The following SPTBN1 variants were observed in gnomAD, a reference collection of about 807,000 sequenced individuals.
SPTBN1 encodes the protein spectrin beta, non-erythrocytic 1.
In SPTBN1, 32 loss-of-function variants were observed where a neutral mutation model predicts 266.4. That is an observed-to-expected ratio of 0.12 (90% CI 0.09 to 0.16). The LOEUF is 0.16. Ranked by LOEUF, SPTBN1 falls within the 10% of genes least tolerant of loss-of-function variation. SPTBN1 has a pLI of 1.00. For synonymous variants in SPTBN1, 1,336 were observed against 1,162.2 expected, an observed-to-expected ratio of 1.15 and a Z score of -3.04; for missense variants, 2,296 against 3,067.1, an observed-to-expected ratio of 0.75 and a Z score of 5.94.
At chr2:54,594,540 T>C (rs953695548) in intron 2 of SPTBN1, among the ~76,000 whole-genome samples, 62 of 152,284 alleles carry the variant, frequency 4.1e-4, no homozygotes, top group Admixed American at 3.4e-3. Context: ...CTGGAACAAA[T>C]TCCCCGTAGA....
rs528630235 is a variant in SPTBN1, at chr2:54,644,234, A to AGATC, written c.4006-88_4006-85dup. On this transcript the variant is annotated intron_variant, in intron 19 of 35. Transcript: ENST00000356805. The stretch of plus-strand genomic sequence containing the variant: ...TGTATTGAGTGAATGGTTAAATCAC[A>AGATC]GATCAAATGTCCTAGGTTTGTTTTT... 1.8e-4 allele frequency: 269 copies of AGATC among 1,496,418 alleles called. No homozygotes were observed. The Admixed American group carries it at 2.8e-3, about 16-fold the overall frequency. 92.7% of individuals were successfully genotyped at this position (1,496,418 alleles called of 1,614,324 possible). A position where few individuals can be genotyped will look rare whatever the true frequency, so the allele number is the denominator to read the frequency against.
chr2:54,557,439 T>C (rs1002892786), intron 2 of SPTBN1, among the ~76,000 whole-genome samples: 1 of 152,110 alleles, frequency 6.6e-6, no homozygotes, highest in East Asian at 1.9e-4. Flanking sequence ...CTAGAGTCAA[T>C]TTCCCAAGAA....
At position 54,533,376 on chromosome 2, in the gene SPTBN1, G is replaced by GTT. The variant is rs1457787668; in HGVS notation, c.148+6811_148+6812insTT. ...TGTGTGTGTGTGTGTGTGTGTGTGTGTGTGTGTGTGTGTGTGTGTCTAAAC... is the reference window on the plus strand; with the variant it reads ...TGTGTGTGTGTGTGTGTGTGTGTGTGTTTGTGTGTGTGTGTGTGTGTCTAAAC... On this transcript the variant is annotated intron_variant, in intron 2 of 35. Transcript: ENST00000356805. The surrounding 1 kb of genome is among the most constrained non-coding windows in gnomAD (Gnocchi z 4.2). Among the ~76,000 whole-genome samples the GTT allele has an allele frequency of 6.6e-5, 10 of 151,542 alleles. No homozygotes were observed. The highest frequency in any genetic ancestry group is 1.3e-4 in the Admixed American group (2 of 15,200).
intron 1 of SPTBN1, among the ~76,000 whole-genome samples, chr2:54,478,489 G>A (rs535777750): frequency 2.0e-5 from 3 of 152,306 alleles, no homozygotes; most frequent in Admixed American, 1.3e-4. Context: ...AGAATTGGAA[G>A]TTTTGGGTCT....
At chr2:54,614,050 G>T (rs530418964) in intron 4 of SPTBN1, among the ~76,000 whole-genome samples, 20 of 152,254 alleles carry the variant, frequency 1.3e-4, no homozygotes, top group African/African-American at 4.8e-4. Context: ...CTGCCAGTTT[G>T]CATATTCCTA....
In SPTBN1 at chr2:54,629,592, G is replaced by C. The variant is rs199983189; in HGVS notation, c.2458G>C (p.Val820Leu). 3 of 1,614,070 alleles carry C rather than the reference G, an allele frequency of 1.9e-6. No individual in the cohort carries two copies. The highest frequency in any genetic ancestry group is 2.5e-6 in the Non-Finnish European group (3 of 1,180,036). ...CCAGGAGCATGCCGAGTCTCCAGAC[G>C]TGAGGGGCAGGCTGTCGGGCATCGA... is the stretch of plus-strand genomic sequence containing the variant. ...LPQEHAESPD[V>L]RGRLSGIEER... Residue 820 changes from valine (V) to leucine (L), a missense_variant, in exon 14 of 36, where the codon GTG (valine) becomes CTG (leucine). Around this residue, in one of 12 missense-constraint regions of SPTBN1, gnomAD observed 434 missense variants for 573.9 expected, o/e 0.76. Transcript: ENST00000356805.
chr2:54,482,986 C>G (rs1217048409), intron 1 of SPTBN1, among the ~76,000 whole-genome samples: 2 of 152,196 alleles, frequency 1.3e-5, no homozygotes, highest in Non-Finnish European at 2.9e-5. Context: ...TTAAAGCAGG[C>G]TGGCCCGAAG....
intron 2 of SPTBN1, among the ~76,000 whole-genome samples, chr2:54,563,480 A>T (rs1336343855): frequency 1.3e-5 from 2 of 151,684 alleles, no homozygotes; most frequent in Non-Finnish European, 2.9e-5. Context: ...ATTACTACCA[A>T]GTTTATTACG....
intron 1 of SPTBN1, among the ~76,000 whole-genome samples, chr2:54,489,581 T>C (rs1391272744): frequency 6.6e-6 from 1 of 152,088 alleles, no homozygotes; most frequent in African/African-American, 2.4e-5. Context: ...GCATCTGTAA[T>C]CTCTGTTCTT....
In SPTBN1 at chr2:54,554,613, C is replaced by T. The variant is rs535322640; in HGVS notation, c.148+28047C>T. Reference sequence around the variant, plus strand: ...GATTCCAAACTGTTTGGTTTATAGACGAAGATTGAGAGGCCCAGAGAACAT... The same window carrying T: ...GATTCCAAACTGTTTGGTTTATAGATGAAGATTGAGAGGCCCAGAGAACAT... On this transcript the variant is annotated intron_variant, in intron 2 of 35. Coordinates refer to ENST00000356805, the MANE Select transcript of SPTBN1 (RefSeq NM_003128.3). This position sits in a 1 kb window ranked among gnomAD's most constrained non-coding sequence, Gnocchi z 4.5. Among the ~76,000 whole-genome samples, 10 of 152,206 alleles carry T rather than the reference C, an allele frequency of 6.6e-5. No homozygotes were observed. Among genetic ancestry groups the T allele is most frequent in the Middle Eastern group, 3.4e-3 (1 of 294 alleles).
intron 2 of SPTBN1, among the ~76,000 whole-genome samples, chr2:54,546,958 TAAAA>T (rs71975342): frequency 6.2e-5 from 9 of 144,116 alleles, no homozygotes; most frequent in African/African-American, 1.5e-4. Flanking sequence ...TTAATGGTGG[TAAAA>T]AAAAAAAAAA....
intron 19 of SPTBN1, 92 bp from the exon 20 acceptor site, chr2:54,644,231 C>A: frequency 6.7e-7 from 1 of 1,482,350 alleles, no homozygotes; most frequent in Non-Finnish European, 9.1e-7. Context: ...ATGGTTAAAT[C>A]ACAGATCAAA....
intron 2 of SPTBN1, among the ~76,000 whole-genome samples, chr2:54,532,324 G>C (rs367860073): frequency 6.6e-6 from 1 of 152,138 alleles, no homozygotes; most frequent in African/African-American, 2.4e-5. Context: ...ATTGAGTATT[G>C]TCATATACTC....
In SPTBN1 at chr2:54,502,523, A is replaced by G. The variant is rs975142903; in HGVS notation, c.-47-23849A>G. Among the ~76,000 whole-genome samples, 160 of 152,192 alleles carry G rather than the reference A, an allele frequency of 1.1e-3. 1 individual carries two copies. The highest frequency in any genetic ancestry group is 1.5e-4 in the Non-Finnish European group (10 of 68,028). On this transcript the variant is annotated intron_variant, in intron 1 of 35. Transcript: ENST00000356805. ...GAAATAAATATTCACTTCAGAGAATACACTTTGAAGTGGGGCTGTGTGTGC... is the reference window on the plus strand; with the variant it reads ...GAAATAAATATTCACTTCAGAGAATGCACTTTGAAGTGGGGCTGTGTGTGC...
intron 1 of SPTBN1, among the ~76,000 whole-genome samples, chr2:54,465,708 A>C (rs1020093911): frequency 6.9e-6 from 1 of 145,290 alleles, no homozygotes; most frequent in African/African-American, 2.5e-5. Flanking sequence ...TTGATTGAGT[A>C]ATCTCTACCA....
intron 2 of SPTBN1, among the ~76,000 whole-genome samples, chr2:54,538,126 TA>T (rs993465349): frequency 6.6e-6 from 1 of 152,092 alleles, no homozygotes; most frequent in Non-Finnish European, 1.5e-5. Flanking sequence ...GTTGGTTACT[TA>T]AAAAAAAGGA....
intron 2 of SPTBN1, among the ~76,000 whole-genome samples, chr2:54,583,987 A>C (rs1307044637): frequency 6.6e-6 from 1 of 152,246 alleles, no homozygotes; most frequent in African/African-American, 2.4e-5. Flanking sequence ...CAGTGTATTC[A>C]TAGAAATACA....
chr2:54,555,007 C>A (rs1362244145), intron 2 of SPTBN1, among the ~76,000 whole-genome samples: 1 of 152,188 alleles, frequency 6.6e-6, no homozygotes, highest in Non-Finnish European at 1.5e-5. Context: ...CTAATTGGCA[C>A]ACCACATGCC....
chr2:54,666,635 A>G (rs749869901), intron 34 of SPTBN1, among the ~76,000 whole-genome samples: 1 of 152,208 alleles, frequency 6.6e-6, no homozygotes, highest in African/African-American at 2.4e-5. Context: ...CCTGTAGGAT[A>G]CATGTATCTC....
Sources: allele counts gnomAD v4.1 joint callset (sites outside exome capture counted in the v4.1 genomes callset), GRCh38; gene constraint gnomAD v4.1.1; regional missense constraint gnomAD v4.1.1; non-coding constraint Gnocchi (gnomAD v3.1); transcripts MANE v1.5; gene names NCBI Gene and HGNC (gene_info 2026-07-23, HGNC 2026-07-21).